PNPLA8: variants seen among roughly 807,000 people sequenced by gnomAD.
PNPLA8 encodes patatin like domain 8, phospholipase A2.
Under a neutral mutation model 76.9 loss-of-function variants are expected in PNPLA8, and 39 were observed. The observed-to-expected ratio is 0.51, with a 90% CI of 0.39 to 0.66. The LOEUF (loss-of-function observed/expected upper bound fraction) is 0.66. Among genes scored for constraint, PNPLA8 ranks in the 30% least tolerant of loss-of-function variants. PNPLA8 has a pLI of 0.00. For missense variants in PNPLA8, 887 were observed against 918.0 expected (o/e 0.97, Z 0.44); for synonymous variants, 301 against 307.9 (o/e 0.98, Z 0.24).
chr7:108,509,438 A>G, intron 4 of PNPLA8, among the ~76,000 whole-genome samples: 1 of 149,934 alleles, frequency 6.7e-6, no homozygotes, highest in Non-Finnish European at 1.5e-5. Context: ...GCTCATCATC[A>G]CTGGCCATCA....
At chr7:108,524,194 T>C (rs971147598) in intron 1 of PNPLA8, among the ~76,000 whole-genome samples, 2 of 152,238 alleles carry the variant, frequency 1.3e-5, no homozygotes, top group African/African-American at 4.8e-5. Context: ...ATGACTATTT[T>C]GGGATCAGGC....
rs1563985632 is a variant in PNPLA8 at position 108,515,435 on chromosome 7, ACTT to A, written c.54_56del (p.Arg18del). The A allele has an allele frequency of 6.2e-7, 1 of 1,603,940 alleles. No individual in the cohort carries two copies. The highest frequency in any genetic ancestry group is 8.5e-7 in the Non-Finnish European group (1 of 1,175,934). On this transcript the variant is annotated inframe_deletion, in exon 3 of 11. Coordinates refer to ENST00000257694, the MANE Select transcript of PNPLA8 (RefSeq NM_001256007.3). ...GCTTGCTTCTCTGCTTCCCACAAAC[ACTT>A]CTTGCATTACTAAGGAGGTAAATAT... is the stretch of plus-strand genomic sequence containing the variant.
intron 5 of PNPLA8, among the ~76,000 whole-genome samples, chr7:108,498,509 A>C (rs1248812470): frequency 6.7e-6 from 1 of 150,342 alleles, no homozygotes; most frequent in East Asian, 2.0e-4. Flanking sequence ...TCCTGACCTC[A>C]TGATCCACCC....
At chr7:108,488,494 C>A (rs565298616) in intron 8 of PNPLA8, among the ~76,000 whole-genome samples, 1 of 152,144 alleles carries the variant, frequency 6.6e-6, no homozygotes, top group African/African-American at 2.4e-5. Context: ...GAATTGCTTG[C>A]CCAGGAGGTG....
intron 8 of PNPLA8, among the ~76,000 whole-genome samples, chr7:108,488,347 A>G (rs1860900400): frequency 6.6e-6 from 1 of 152,238 alleles, no homozygotes; most frequent in African/African-American, 2.4e-5. Flanking sequence ...TGGGAGGCCA[A>G]GGAGGGTGGA....
intron 7 of PNPLA8, 70 bp downstream of exon 7, chr7:108,496,514 T>C: frequency 2.2e-6 from 2 of 891,400 alleles, no homozygotes; most frequent in Non-Finnish European, 3.3e-6. Context: ...AATATTGACA[T>C]TTTTCAAATT....
intron 7 of PNPLA8, among the ~76,000 whole-genome samples, chr7:108,493,305 G>C (rs1861318827): frequency 6.6e-6 from 1 of 151,782 alleles, no homozygotes; most frequent in Admixed American, 6.6e-5. Flanking sequence ...AGTAACAAAA[G>C]GAAAAATTTC....
chr7:108,489,599 T>A (rs141840786), intron 8 of PNPLA8, among the ~76,000 whole-genome samples: 4 of 152,356 alleles, frequency 2.6e-5, no homozygotes, highest in African/African-American at 9.6e-5. Context: ...TTAATACCTA[T>A]GTTGCCCTAC....
intron 7 of PNPLA8, among the ~76,000 whole-genome samples, chr7:108,494,171 T>A (rs1412172112): frequency 6.6e-6 from 1 of 152,178 alleles, no homozygotes; most frequent in African/African-American, 2.4e-5. Flanking sequence ...ATAATACAAA[T>A]ATTTACCTAC....
rs1863263928 is a variant in PNPLA8, at chr7:108,515,405, C to CT, written c.86_87insA (p.Tyr30ValfsTer7). On this transcript the variant is annotated frameshift_variant, in exon 3 of 11. Coordinates refer to ENST00000257694, the MANE Select transcript of PNPLA8 (RefSeq NM_001256007.3). LOFTEE classifies it high-confidence loss of function. The stretch of plus-strand genomic sequence containing the variant: ...AATGCTTAGGTGAGAACAAGAAATA[C>CT]AGTTGCTTGCTTCTCTGCTTCCCAC... The CT allele has an allele frequency of 2.5e-6, 4 of 1,611,558 alleles. No individual in the cohort carries two copies. Among genetic ancestry groups the CT allele is most frequent in the Non-Finnish European group, 3.4e-6 (4 of 1,178,846 alleles).
At chr7:108,525,995 A>G in intron 1 of PNPLA8, 34 bp downstream of exon 1, 3 of 949,590 alleles carry the variant, frequency 3.2e-6, no homozygotes, top group South Asian at 4.9e-5. Context: ...CCAGCCTCCT[A>G]TCGTCCCGCC....
intron 10 of PNPLA8, among the ~76,000 whole-genome samples, chr7:108,474,733 T>A (rs1332797202): frequency 6.6e-6 from 1 of 152,228 alleles, no homozygotes; most frequent in Non-Finnish European, 1.5e-5. Context: ...AAAAGTCTTT[T>A]GAGTTTACAT....
intron 10 of PNPLA8, among the ~76,000 whole-genome samples, chr7:108,475,562 T>C (rs1598860674): frequency 6.6e-6 from 1 of 152,126 alleles, no homozygotes. Context: ...ACACAGTACA[T>C]GTATTGATTT....
In PNPLA8 at chr7:108,515,179, TA is replaced by T; in HGVS notation, c.312del (p.Ser106ValfsTer3). ...LTKVNICMSR[I>X]KSTLNSVSKA... ...TTTGAAACAGAGTTCAAAGTACTTTTAATACGGGACATACAAATGTTCACTT... is the reference window on the plus strand; with the variant it reads ...TTTGAAACAGAGTTCAAAGTACTTTTATACGGGACATACAAATGTTCACTT... On this transcript the variant is annotated frameshift_variant, in exon 3 of 11. Transcript: ENST00000257694. LOFTEE classifies it high-confidence loss of function. 6.2e-7 allele frequency: 1 copy of T among 1,606,832 alleles called. No individual in the cohort carries two copies. Among genetic ancestry groups the T allele is most frequent in the Non-Finnish European group, 8.5e-7 (1 of 1,175,286 alleles).
chr7:108,511,921 C>T (rs1464263496), intron 4 of PNPLA8, among the ~76,000 whole-genome samples: 2 of 152,202 alleles, frequency 1.3e-5, no homozygotes, highest in African/African-American at 4.8e-5. Flanking sequence ...TTCACCAATA[C>T]ACTGTTTGCT....
chr7:108,511,489 C>T (rs1563977821), intron 4 of PNPLA8, among the ~76,000 whole-genome samples: 2 of 152,134 alleles, frequency 1.3e-5, no homozygotes, highest in African/African-American at 4.8e-5. Context: ...ATTTAAATTC[C>T]AGTGTTCAGG....
chr7:108,506,653 G>A (rs1239746178), intron 4 of PNPLA8, among the ~76,000 whole-genome samples: 1 of 151,146 alleles, frequency 6.6e-6, no homozygotes, highest in Non-Finnish European at 1.5e-5. Flanking sequence ...GCAATAGAGG[G>A]AAAAATGAAA....
chr7:108,511,201 T>C (rs1433303959), intron 4 of PNPLA8, among the ~76,000 whole-genome samples: 1 of 152,174 alleles, frequency 6.6e-6, no homozygotes, highest in Non-Finnish European at 1.5e-5. Flanking sequence ...TCAATTATAA[T>C]GTAGGAGTAA....
upstream of PNPLA8, chr7:108,527,892 G>A (rs1382747812): frequency 6.6e-6 from 1 of 152,214 alleles, no homozygotes; most frequent in Non-Finnish European, 1.5e-5. Context: ...TGGTCAAGGA[G>A]AGAGCACCAC....
Sources: gnomAD v4.1 joint callset for allele counts (sites outside exome capture counted in the v4.1 genomes callset) on GRCh38, gnomAD v4.1.1 for gene constraint, MANE v1.5 for transcripts, NCBI Gene and HGNC (gene_info 2026-07-23, HGNC 2026-07-21) for gene names.